PIK3C2G: variants seen among roughly 807,000 people sequenced by gnomAD.
PIK3C2G encodes the protein phosphatidylinositol 3-kinase C2 domain-containing subunit gamma.
PIK3C2G carries 168 observed loss-of-function variants against 181.1 expected under a neutral mutation model. The ratio of observed to expected loss-of-function variants is 0.93; its 90% confidence interval spans 0.82 to 1.05. PIK3C2G has a LOEUF of 1.05. Among genes scored for constraint, PIK3C2G ranks in the 50% least tolerant of loss-of-function variants. PIK3C2G has a pLI of 0.00. For missense variants in PIK3C2G, 1,869 were observed against 1,732.8 expected (o/e 1.08, Z -1.40); for synonymous variants, 573 against 592.2 (o/e 0.97, Z 0.47).
intron 18 of PIK3C2G, among the ~76,000 whole-genome samples, chr12:18,425,720 T>C (rs1945769283): frequency 6.6e-6 from 1 of 152,318 alleles, no homozygotes; most frequent in Middle Eastern, 3.4e-3. Flanking sequence ...TATTTTATAC[T>C]TAAAAACATA....
chr12:18,584,310 C>T lies in PIK3C2G; in HGVS notation c.4012-10184C>T, dbSNP rs567535875. On this transcript the variant is annotated intron_variant, in intron 29 of 32. Coordinates refer to ENST00000538779, the MANE Select transcript of PIK3C2G (RefSeq NM_001288772.2). The stretch of plus-strand genomic sequence containing the variant: ...TGCTGGGATTACAGGCATGAGCCAC[C>T]ATGCCTGGCTAAATAGACAGTATTT... 1.5e-3 allele frequency among the ~76,000 whole-genome samples: 230 copies of T among 152,180 alleles called. 3 individuals carry two copies. The highest frequency in any genetic ancestry group is 5.2e-3 in the African/African-American group (216 of 41,534).
At chr12:18,330,563 T>C (rs1565605220) in intron 8 of PIK3C2G, among the ~76,000 whole-genome samples, 1 of 152,166 alleles carries the variant, frequency 6.6e-6, no homozygotes, top group East Asian at 1.9e-4. Flanking sequence ...TTACTTTTCA[T>C]GGAATTATTG....
intron 18 of PIK3C2G, among the ~76,000 whole-genome samples, chr12:18,470,229 T>A (rs1445986407): frequency 1.3e-5 from 2 of 152,068 alleles, no homozygotes; most frequent in Non-Finnish European, 2.9e-5. Context: ...CTGATCTAGA[T>A]CTAGACCAGC....
intron 13 of PIK3C2G, among the ~76,000 whole-genome samples, chr12:18,380,750 A>G (rs1239587469): frequency 6.6e-6 from 1 of 152,234 alleles, no homozygotes; most frequent in Non-Finnish European, 1.5e-5. Flanking sequence ...ATATGTGCTG[A>G]CAATATCTTT....
intron 31 of PIK3C2G, among the ~76,000 whole-genome samples, chr12:18,623,237 G>T (rs1373230894): frequency 6.6e-6 from 1 of 151,626 alleles, no homozygotes; most frequent in East Asian, 1.9e-4. Context: ...GTGAGATAAG[G>T]GTTCAATTTT....
chr12:18,542,236 T>A (rs1944195416), intron 25 of PIK3C2G, among the ~76,000 whole-genome samples: 1 of 151,758 alleles, frequency 6.6e-6, no homozygotes, highest in African/African-American at 2.4e-5. Flanking sequence ...CACACGGAAG[T>A]CTCCAAACCT....
the PIK3C2G span, among the ~76,000 whole-genome samples, chr12:18,684,841 GATTA>G: frequency 1.3e-5 from 2 of 151,990 alleles, no homozygotes; most frequent in Non-Finnish European, 2.9e-5. Context: ...AAAGTGACTG[GATTA>G]TAGGGGGCTG....
chr12:18,595,764 T>C (rs1947327686), intron 30 of PIK3C2G, among the ~76,000 whole-genome samples: 1 of 152,118 alleles, frequency 6.6e-6, no homozygotes, highest in South Asian at 2.1e-4. Flanking sequence ...GCTGCCACTG[T>C]CTTGAAATTC....
chr12:18,511,189 T>C (rs1432904542), intron 24 of PIK3C2G, among the ~76,000 whole-genome samples: 1 of 152,142 alleles, frequency 6.6e-6, no homozygotes, highest in South Asian at 2.1e-4. Context: ...TAGTATTTCA[T>C]TGTGTGTACG....
At chr12:18,578,256 G>T (rs941556233) in intron 29 of PIK3C2G, among the ~76,000 whole-genome samples, 3 of 152,128 alleles carry the variant, frequency 2.0e-5, no homozygotes, top group African/African-American at 7.2e-5. Context: ...TGTCTATGTT[G>T]ATATGCACCA....
chr12:18,625,923 A>G (rs1949077512), intron 31 of PIK3C2G, among the ~76,000 whole-genome samples: 1 of 151,842 alleles, frequency 6.6e-6, no homozygotes, highest in African/African-American at 2.4e-5. Context: ...AGTGAAGTGA[A>G]CGTCTTGCAG....
intron 20 of PIK3C2G, among the ~76,000 whole-genome samples, chr12:18,494,932 C>T (rs767449535): frequency 4.0e-5 from 6 of 150,696 alleles, no homozygotes; most frequent in Non-Finnish European, 7.4e-5. Flanking sequence ...CTAAACAATC[C>T]CTTGCTTACT....
At position 18,647,954 on chromosome 12, in the gene PIK3C2G, G is replaced by C; in HGVS notation, c.4387G>C (p.Ala1463Pro). ...IVKSKTVFVGAINIRLCSVPL... is the reference protein window; with the variant it reads ...IVKSKTVFVGPINIRLCSVPL... The stretch of plus-strand genomic sequence containing the variant: ...GAAGAGTAAAACTGTATTTGTGGGA[G>C]CAATTAACATCCGACTCTGTAGTGT... Residue 1463 changes from alanine to proline, a missense_variant, in exon 33 of 33, where the codon GCA (alanine) becomes CCA (proline). Coordinates refer to ENST00000538779, the MANE Select transcript of PIK3C2G (RefSeq NM_001288772.2). 1 of 1,600,594 alleles carries C rather than the reference G, an allele frequency of 6.2e-7. No individual in the cohort carries two copies. Among genetic ancestry groups the C allele is most frequent in the Non-Finnish European group, 8.5e-7 (1 of 1,171,554 alleles).
At chr12:18,273,950 A>G (rs1002369669) in intron 1 of PIK3C2G, among the ~76,000 whole-genome samples, 2 of 152,098 alleles carry the variant, frequency 1.3e-5, no homozygotes, top group African/African-American at 2.4e-5. Flanking sequence ...ACTCAAACAA[A>G]TTTACAAGAA....
the PIK3C2G span, among the ~76,000 whole-genome samples, chr12:18,675,213 TCTC>T: frequency 1.3e-5 from 2 of 152,086 alleles, no homozygotes; most frequent in Non-Finnish European, 2.9e-5. Context: ...ATGAGTAAAC[TCTC>T]CTCCTCCCTC....
chr12:18,552,748 C>T (rs527961567), intron 26 of PIK3C2G, among the ~76,000 whole-genome samples: 39 of 152,152 alleles, frequency 2.6e-4, no homozygotes, highest in Non-Finnish European at 3.8e-4. Context: ...CTAAGTTGCA[C>T]GGCCCAGTCA....
intron 31 of PIK3C2G, among the ~76,000 whole-genome samples, chr12:18,626,176 G>C (rs150012306): frequency 5.3e-5 from 8 of 151,482 alleles, no homozygotes; most frequent in Admixed American, 2.0e-4. Context: ...ATTTTTATTT[G>C]TGTTTTGTGC....
chr12:18,512,385 T>G (rs1942267191), intron 24 of PIK3C2G, among the ~76,000 whole-genome samples: 1 of 152,018 alleles, frequency 6.6e-6, no homozygotes, highest in Non-Finnish European at 1.5e-5. Flanking sequence ...GCACTGAATC[T>G]GTAGATTGCT....
chr12:18,523,386 G>C (rs1263605152), intron 24 of PIK3C2G, among the ~76,000 whole-genome samples: 1 of 152,128 alleles, frequency 6.6e-6, no homozygotes, highest in Non-Finnish European at 1.5e-5. Flanking sequence ...TTTTTTGATG[G>C]TGATAGAGCT....
Sources: allele counts gnomAD v4.1 joint callset (sites outside exome capture counted in the v4.1 genomes callset), GRCh38; gene constraint gnomAD v4.1.1; transcripts MANE v1.5; gene names NCBI Gene and HGNC (gene_info 2026-07-23, HGNC 2026-07-21).